The following CYP2C19 variants were observed in gnomAD, a reference collection of about 807,000 sequenced individuals.
CYP2C19 encodes cytochrome P450 2C19.
In CYP2C19, 59 loss-of-function variants were observed where a neutral mutation model predicts 40.9. The ratio of observed to expected loss-of-function variants is 1.44; its 90% CI spans 1.17 to 1.79. The LOEUF (loss-of-function observed/expected upper bound fraction) is 1.79, where lower values mean the gene tolerates loss of function less well. Among genes scored for constraint, CYP2C19 ranks in the 40% most tolerant of loss-of-function variants. The probability of loss-of-function intolerance (pLI) is 0.00; values close to 1 mark genes in which losing one functional copy is unlikely to be tolerated. For synonymous variants in CYP2C19, 253 were observed against 208.7 expected, an observed-to-expected ratio of 1.21 and a Z score of -1.83; for missense variants, 754 against 596.9, an observed-to-expected ratio of 1.26 and a Z score of -2.74.
chr10:94,826,785 G>A (rs1214122989), intron 6 of CYP2C19, among the ~76,000 whole-genome samples: 1 of 152,138 alleles, frequency 6.6e-6, no homozygotes, highest in Non-Finnish European at 1.5e-5. Flanking sequence ...GTATGATGTT[G>A]GCTGTGGGTT....
At chr10:94,824,568 G>A (rs201286520) in intron 6 of CYP2C19, among the ~76,000 whole-genome samples, 13 of 152,096 alleles carry the variant, frequency 8.5e-5, no homozygotes, top group African/African-American at 2.9e-4. Context: ...ATGTTTAAAC[G>A]TGTTATTTTG....
intron 6 of CYP2C19, among the ~76,000 whole-genome samples, chr10:94,835,663 T>C (rs1752167670): frequency 6.6e-6 from 1 of 152,132 alleles, no homozygotes; most frequent in African/African-American, 2.4e-5. Context: ...AATAATCTCC[T>C]AACGGCTTCC....
At chr10:94,824,721 A>T (rs556850604) in intron 6 of CYP2C19, among the ~76,000 whole-genome samples, 28 of 151,772 alleles carry the variant, frequency 1.8e-4, no homozygotes, top group African/African-American at 6.5e-4. Flanking sequence ...TTAGTTACAT[A>T]TGTACACATG....
chr10:94,812,927 TGGA>T (rs1470328822), intron 5 of CYP2C19, among the ~76,000 whole-genome samples: 3 of 152,024 alleles, frequency 2.0e-5, no homozygotes, highest in Non-Finnish European at 2.9e-5. Context: ...TGTGATCCTT[TGGA>T]GGAGAAGAGA....
intron 6 of CYP2C19, among the ~76,000 whole-genome samples, chr10:94,826,956 G>T (rs1027167751): frequency 6.4e-4 from 97 of 152,180 alleles, no homozygotes; most frequent in Non-Finnish European, 1.1e-3. Flanking sequence ...TTATATGCTG[G>T]ATTACATTTA....
intron 5 of CYP2C19, among the ~76,000 whole-genome samples, chr10:94,814,862 T>C (rs1364647956): frequency 2.8e-5 from 4 of 141,362 alleles, no homozygotes. Context: ...GACACCTGGG[T>C]CTTGCGGTGC....
intron 7 of CYP2C19, among the ~76,000 whole-genome samples, chr10:94,848,734 G>C (rs930769974): frequency 6.6e-6 from 1 of 152,100 alleles, no homozygotes; most frequent in East Asian, 1.9e-4. Context: ...CCATTTGTTT[G>C]TATCCTCTTT....
At chr10:94,820,206 ACT>A (rs1345050938) in intron 5 of CYP2C19, among the ~76,000 whole-genome samples, 1 of 151,838 alleles carries the variant, frequency 6.6e-6, no homozygotes, top group Admixed American at 6.6e-5. Context: ...CATGCTAAAA[ACT>A]CTCAATAAAT....
chr10:94,837,552 A>C (rs1186166326), intron 6 of CYP2C19, among the ~76,000 whole-genome samples: 1 of 152,194 alleles, frequency 6.6e-6, no homozygotes, highest in African/African-American at 2.4e-5. Context: ...GCATAATTAG[A>C]AAAGCATGTG....
intron 5 of CYP2C19, among the ~76,000 whole-genome samples, chr10:94,784,644 C>G (rs1349305873): frequency 1.3e-5 from 2 of 152,028 alleles, no homozygotes; most frequent in Non-Finnish European, 1.5e-5. Context: ...GAGACAGAGT[C>G]TCACTCTGTT....
At chr10:94,827,549 C>T (rs186108006) in intron 6 of CYP2C19, among the ~76,000 whole-genome samples, 2,572 of 152,094 alleles carry the variant, frequency 0.017, 84 homozygotes, top group African/African-American at 0.06. Flanking sequence ...TGATTCTTCT[C>T]TCTCTTTTTC....
chr10:94,831,953 G>C lies in CYP2C19; in HGVS notation c.962-10884G>C, dbSNP rs186497012. On this transcript the variant is annotated intron_variant, in intron 6 of 8. Transcript: ENST00000371321. ...TTTGCTTTGAATGCCTGTGCTTGTG[G>C]GGTATTGCTCAAGAAATTTTTGCCT... Among the ~76,000 whole-genome samples, 3 of 152,248 alleles carry C rather than the reference G, an allele frequency of 2.0e-5. No individual in the cohort carries two copies. The East Asian group carries it at 5.8e-4, about 29-fold the overall frequency.
intron 5 of CYP2C19, among the ~76,000 whole-genome samples, chr10:94,793,382 C>A (rs557375126): frequency 3.3e-5 from 5 of 152,286 alleles, no homozygotes; most frequent in African/African-American, 9.6e-5. Flanking sequence ...ATTCTCTGTC[C>A]AGCTATCTTC....
rs76087331 is a variant in CYP2C19 at position 94,804,729 on chromosome 10, C to T, written c.820-15767C>T. ...TCATGAGGCTGTTTGTCCACATTTTCCTCCCCAGGTATCTTAGATGTCTTT... is the reference window on the plus strand; with the variant it reads ...TCATGAGGCTGTTTGTCCACATTTTTCTCCCCAGGTATCTTAGATGTCTTT... On this transcript the variant is annotated intron_variant, in intron 5 of 8. Coordinates refer to ENST00000371321, the MANE Select transcript of CYP2C19 (RefSeq NM_000769.4). Among the ~76,000 whole-genome samples the T allele has an allele frequency of 5.8e-3, 884 of 152,238 alleles. 8 individuals carry two copies. The highest frequency in any genetic ancestry group is 0.02 in the African/African-American group (849 of 41,554).
chr10:94,820,846 A>T (rs1849108190), intron 6 of CYP2C19, among the ~76,000 whole-genome samples: 1 of 152,132 alleles, frequency 6.6e-6, no homozygotes, highest in South Asian at 2.1e-4. Context: ...GCCCTTTGGG[A>T]GGCCTAGGTG....
At chr10:94,851,065 T>C (rs1175816666) in intron 8 of CYP2C19, among the ~76,000 whole-genome samples, 2 of 152,136 alleles carry the variant, frequency 1.3e-5, no homozygotes, top group African/African-American at 4.8e-5. Flanking sequence ...CATGTATCAG[T>C]CCATTCTTTC....
At chr10:94,813,087 C>CT (rs1848950831) in intron 5 of CYP2C19, among the ~76,000 whole-genome samples, 2 of 151,702 alleles carry the variant, frequency 1.3e-5, no homozygotes, top group South Asian at 4.2e-4. Context: ...GATGCTATTC[C>CT]TTTCTGTTTG....
Position 94,854,229 on chromosome 10 carries a change from G to C in CYP2C19, c.*1315G>C, listed in dbSNP as rs553312473. 6.6e-6 allele frequency among the ~76,000 whole-genome samples: 1 copy of C among 151,844 alleles called. No individual in the cohort carries two copies. The highest frequency in any genetic ancestry group is 6.6e-5 in the Admixed American group (1 of 15,242). On this transcript the variant is annotated 3_prime_UTR_variant, in exon 9 of 9. Transcript: ENST00000371321. ...AGACAGGGTTTCACTATGTGGGCCA[G>C]GCTAGTCTTGAACTCCTGACCTCAA...
At chr10:94,787,242 A>T (rs1207727677) in intron 5 of CYP2C19, among the ~76,000 whole-genome samples, 1 of 152,068 alleles carries the variant, frequency 6.6e-6, no homozygotes, top group Non-Finnish European at 1.5e-5. Flanking sequence ...CATTTCTCTG[A>T]TGATAAGTGA....
Sources: gnomAD v4.1 joint callset for allele counts (sites outside exome capture counted in the v4.1 genomes callset) on GRCh38, gnomAD v4.1.1 for gene constraint, MANE v1.5 for transcripts, NCBI Gene and HGNC (gene_info 2026-07-23, HGNC 2026-07-21) for gene names.